The following PLEKHA8 variants were observed in gnomAD, a reference collection of about 807,000 sequenced individuals.
The protein encoded by PLEKHA8 is pleckstrin homology domain containing A8.
PLEKHA8 carries 36 observed loss-of-function variants against 68.2 expected under a neutral mutation model. That is an observed-to-expected ratio of 0.53 (90% CI 0.40 to 0.70). The LOEUF is 0.70. Among genes scored for constraint, PLEKHA8 ranks in the 30% least tolerant of loss-of-function variants. The pLI, the probability that PLEKHA8 is intolerant of heterozygous loss-of-function variation, is 0.00. For missense variants in PLEKHA8, 505 were observed against 615.4 expected, an observed-to-expected ratio of 0.82 and a Z score of 1.90; for synonymous variants, 211 against 216.1, an observed-to-expected ratio of 0.98 and a Z score of 0.20.
chr7:30,111,315 CTATT>C (rs1796267721), intron 13 of PLEKHA8, among the ~76,000 whole-genome samples: 1 of 152,076 alleles, frequency 6.6e-6, no homozygotes, highest in South Asian at 2.1e-4. Flanking sequence ...AATCAATTGA[CTATT>C]AATATTAGCA....
At chr7:30,055,372 T>C (rs759124665) in intron 9 of PLEKHA8, 30 bp downstream of exon 9, 1 of 1,588,584 alleles carries the variant, frequency 6.3e-7, no homozygotes, top group South Asian at 1.1e-5. Context: ...CTTACATTCA[T>C]TCATGTCTAG....
chr7:30,036,398 A>T (rs572363825), intron 1 of PLEKHA8, among the ~76,000 whole-genome samples: 73 of 149,108 alleles, frequency 4.9e-4, no homozygotes, highest in Admixed American at 1.9e-3. Context: ...GGTAGATAGG[A>T]TAGGATAGAA....
chr7:30,116,064 A>G lies in PLEKHA8; in HGVS notation c.1363-13202A>G, dbSNP rs908198728. On this transcript the variant is annotated intron_variant, in intron 13 of 13. Coordinates refer to the PLEKHA8 transcript ENST00000396257. Reference sequence around the variant, plus strand: ...CGCATACGCATACATACGTATGCATACGTATACATGTATACATACGCATAC... The same window carrying G: ...CGCATACGCATACATACGTATGCATGCGTATACATGTATACATACGCATAC... 4.2e-5 allele frequency: 6 copies of G among 144,276 alleles called. 1 individual carries two copies. The highest frequency in any genetic ancestry group is 2.1e-4 in the South Asian group (1 of 4,660). 8.9% of individuals were successfully genotyped at this position (144,276 alleles called of 1,614,324 possible). A position where few individuals can be genotyped will look rare whatever the true frequency, so the allele number is the denominator to read the frequency against.
intron 13 of PLEKHA8, among the ~76,000 whole-genome samples, chr7:30,116,516 G>A (rs942613605): frequency 3.9e-5 from 6 of 152,052 alleles, no homozygotes; most frequent in South Asian, 2.1e-4. Flanking sequence ...GCATATATTT[G>A]ATTAGCTGTT....
chr7:30,056,781 G>A (rs924789330), intron 9 of PLEKHA8, among the ~76,000 whole-genome samples: 3 of 86,106 alleles, frequency 3.5e-5, no homozygotes, highest in Admixed American at 1.2e-4. Flanking sequence ...GTGTGTGTGT[G>A]TGTGTATATA....
At chr7:30,102,451 C>T (rs1221925941) in intron 13 of PLEKHA8, among the ~76,000 whole-genome samples, 3 of 152,160 alleles carry the variant, frequency 2.0e-5, no homozygotes, top group Non-Finnish European at 4.4e-5. Context: ...AAAGCAGAGA[C>T]TTGAGGAGAT....
chr7:30,116,697 A>G (rs1796577594), intron 13 of PLEKHA8, among the ~76,000 whole-genome samples: 1 of 152,226 alleles, frequency 6.6e-6, no homozygotes, highest in Non-Finnish European at 1.5e-5. Flanking sequence ...TGTTCTGAAT[A>G]ACTTTATATT....
chr7:30,126,289 T>C (rs2128026143), intron 13 of PLEKHA8, among the ~76,000 whole-genome samples: 1 of 152,340 alleles, frequency 6.6e-6, no homozygotes, highest in East Asian at 1.9e-4. Context: ...GTTGACACTT[T>C]AAAACATAGA....
intron 1 of PLEKHA8, among the ~76,000 whole-genome samples, chr7:30,036,768 T>G (rs554229429): frequency 6.6e-6 from 1 of 152,362 alleles, no homozygotes; most frequent in African/African-American, 2.4e-5. Context: ...TCCTTGAGGC[T>G]GGGATCTTTT....
intron 13 of PLEKHA8, among the ~76,000 whole-genome samples, chr7:30,100,659 A>G (rs1205932947): frequency 6.6e-6 from 1 of 152,226 alleles, no homozygotes; most frequent in Non-Finnish European, 1.5e-5. Flanking sequence ...TGTCTCCCCA[A>G]GATTAAGGAA....
At chr7:30,102,036 T>C (rs1218527622) in intron 13 of PLEKHA8, among the ~76,000 whole-genome samples, 1 of 152,226 alleles carries the variant, frequency 6.6e-6, no homozygotes, top group Non-Finnish European at 1.5e-5. Context: ...ATCATACATC[T>C]GATAAGGGAC....
chr7:30,066,621 T>C lies in PLEKHA8; in HGVS notation c.1300+3879T>C, dbSNP rs370111565. Among the ~76,000 whole-genome samples the C allele has an allele frequency of 1.2e-4, 19 of 152,298 alleles. No homozygotes were observed. The East Asian group carries it at 2.9e-3, about 23-fold the overall frequency. On this transcript the variant is annotated intron_variant, in intron 12 of 13. Coordinates refer to ENST00000449726, the MANE Select transcript of PLEKHA8 (RefSeq NM_001197026.2). ...TTTAGAGCTGAGTCCCCCTCTCCATTGCATATTCCACATCAGAAAGAGGTT... is the reference window on the plus strand; with the variant it reads ...TTTAGAGCTGAGTCCCCCTCTCCATCGCATATTCCACATCAGAAAGAGGTT...
In PLEKHA8 at chr7:30,081,762, G is replaced by A. The variant is rs1351714928; in HGVS notation, c.*2975G>A. 1.0e-6 allele frequency: 1 copy of A among 985,234 alleles called. No homozygotes were observed. The highest frequency in any genetic ancestry group is 1.7e-5 in the African/African-American group (1 of 57,220). The allele number at this position is 985,234 out of a possible 1,614,324, so 61.0% of individuals were successfully genotyped here. The stretch of plus-strand genomic sequence containing the variant: ...TACTAGGTATTGTAGACACAAATAA[G>A]TAACATTAGGCTAACCCCTTATGAG... On this transcript the variant is annotated 3_prime_UTR_variant, in exon 14 of 14. Transcript: ENST00000449726.
Position 30,082,626 on chromosome 7 carries a change from CT to C in PLEKHA8, c.*3843del, listed in dbSNP as rs1794998265. 1 of 984,174 alleles carries C rather than the reference CT, an allele frequency of 1.0e-6. No homozygotes were observed. The highest frequency in any genetic ancestry group is 1.2e-6 in the Non-Finnish European group (1 of 828,988). 61.0% of individuals were successfully genotyped at this position (984,174 alleles called of 1,614,324 possible). ...CAAATATATTAACAAAAAGTTGATGCTTTTAACTTTATATTTTCAGAAAAGT... is the reference window on the plus strand; with the variant it reads ...CAAATATATTAACAAAAAGTTGATGCTTTAACTTTATATTTTCAGAAAAGT... On this transcript the variant is annotated 3_prime_UTR_variant, in exon 14 of 14. Transcript: ENST00000449726.
intron 9 of PLEKHA8, among the ~76,000 whole-genome samples, chr7:30,060,490 T>C (rs2127987692): frequency 6.6e-6 from 1 of 152,280 alleles, no homozygotes. Flanking sequence ...TGCAATCTCT[T>C]TTTCATACTC....
At chr7:30,122,344 A>C (rs1796709488) in intron 13 of PLEKHA8, among the ~76,000 whole-genome samples, 1 of 152,096 alleles carries the variant, frequency 6.6e-6, no homozygotes, top group Non-Finnish European at 1.5e-5. Context: ...TTTTTCCCCC[A>C]CTTTCTTAAA....
chr7:30,120,821 A>C (rs1796684174), intron 13 of PLEKHA8, among the ~76,000 whole-genome samples: 1 of 152,228 alleles, frequency 6.6e-6, no homozygotes, highest in African/African-American at 2.4e-5. Context: ...TAGGTTTCTG[A>C]TCTGCTTCTC....
intron 1 of PLEKHA8, among the ~76,000 whole-genome samples, chr7:30,034,764 G>A (rs1160704267): frequency 6.6e-6 from 1 of 152,124 alleles, no homozygotes; most frequent in Non-Finnish European, 1.5e-5. Flanking sequence ...CAAACCCATG[G>A]TATGCAAGGA....
At chr7:30,103,681 C>G (rs1039264798) in intron 13 of PLEKHA8, among the ~76,000 whole-genome samples, 1 of 152,176 alleles carries the variant, frequency 6.6e-6, no homozygotes, top group Admixed American at 6.6e-5. Flanking sequence ...AAGATCACTT[C>G]AACAAATAGT....
Sources: gnomAD v4.1 joint callset for allele counts (sites outside exome capture counted in the v4.1 genomes callset) on GRCh38, gnomAD v4.1.1 for gene constraint, MANE v1.5 for transcripts, NCBI Gene and HGNC (gene_info 2026-07-23, HGNC 2026-07-21) for gene names.